PAN3: variants seen among roughly 807,000 people sequenced by gnomAD.
PAN3 encodes PAN2-PAN3 deadenylation complex subunit PAN3.
Under a neutral mutation model 96.2 loss-of-function variants are expected in PAN3, and 19 were observed. The observed-to-expected ratio is 0.20, with a 90% CI of 0.14 to 0.29. The LOEUF is 0.29. Among genes scored for constraint, PAN3 ranks in the 10% least tolerant of loss-of-function variants. The probability of loss-of-function intolerance (pLI) is 1.00; values close to 1 mark genes in which losing one functional copy is unlikely to be tolerated. For missense variants in PAN3, 882 were observed against 1,108.1 expected (o/e 0.80, Z 2.90); for synonymous variants, 433 against 406.6 (o/e 1.06, Z -0.78).
rs1284832933 is a variant in PAN3, at chr13:28,194,466, AT to A, written c.691-2700del. Among the ~76,000 whole-genome samples the A allele has an allele frequency of 9.6e-3, 1,166 of 122,010 alleles. 9 individuals are homozygous for A. Among genetic ancestry groups the A allele is most frequent in the African/African-American group, 0.035 (972 of 27,588 alleles). 80.0% of individuals were successfully genotyped at this position (122,010 alleles called of 152,430 possible). Reference sequence around the variant, plus strand: ...TATATGTATGTATATATATATATATATTTTTTTTTTTTTTTTTTTGTAGAGA... The same window carrying A: ...TATATGTATGTATATATATATATATATTTTTTTTTTTTTTTTTTGTAGAGA... On this transcript the variant is annotated intron_variant, in intron 4 of 18. Transcript: ENST00000380958.
intron 6 of PAN3, among the ~76,000 whole-genome samples, chr13:28,253,485 TA>T (rs1884899737): frequency 6.6e-6 from 1 of 152,220 alleles, no homozygotes; most frequent in Admixed American, 6.5e-5. Flanking sequence ...GGTATTTCAG[TA>T]ATTTAGTTTT....
At position 28,197,317 on chromosome 13, in the gene PAN3, T is replaced by G. The variant is rs1055299963; in HGVS notation, c.823T>G (p.Trp275Gly). 1.7e-5 allele frequency: 28 copies of G among 1,607,830 alleles called. No homozygotes were observed. Among genetic ancestry groups the G allele is most frequent in the Non-Finnish European group, 2.3e-5 (27 of 1,177,280 alleles). ...AGGAGTACCCATCAATATGGTTTGG[T>G]GGAACAGAGTCACAGAAAACAATTT... Reference protein sequence around the residue: ...KSGVPINMVWWNRVTENNLQT... With the variant: ...KSGVPINMVWGNRVTENNLQT... Residue 275 changes from tryptophan to glycine, a missense_variant, in exon 5 of 19, where the codon TGG becomes GGG. Trp to Gly is a radical substitution (Grantham distance 184). Coordinates refer to ENST00000380958, the MANE Select transcript of PAN3 (RefSeq NM_175854.8).
chr13:28,140,284 T>TTAG (rs1355420779), intron 1 of PAN3, among the ~76,000 whole-genome samples: 1 of 152,190 alleles, frequency 6.6e-6, no homozygotes, highest in Non-Finnish European at 1.5e-5. Context: ...GCGTAATCTG[T>TTAG]TAGAGAATGT....
rs551565255 is a variant in PAN3 at position 28,237,496 on chromosome 13, C to T, written c.1000+17118C>T. 3.1e-3 allele frequency among the ~76,000 whole-genome samples: 466 copies of T among 152,254 alleles called. 3 individuals carry two copies. The highest frequency in any genetic ancestry group is 3.8e-3 in the Non-Finnish European group (256 of 68,016). On this transcript the variant is annotated intron_variant, in intron 6 of 18. Coordinates refer to ENST00000380958, the MANE Select transcript of PAN3 (RefSeq NM_175854.8). ...AGAGCTTAGAACATTAGTTTTCATA[C>T]ATTTTTAAAAAATAGCAGCAGTACT...
rs537244786 is a variant in PAN3 at position 28,210,455 on chromosome 13, C to T, written c.853-9776C>T. The stretch of plus-strand genomic sequence containing the variant: ...AATACTAGTAATTAGCTTTCTTCTG[C>T]TGTCTCCACCAATTTTATCTGATTT... On this transcript the variant is annotated intron_variant, in intron 5 of 18. Coordinates refer to ENST00000380958, the MANE Select transcript of PAN3 (RefSeq NM_175854.8). Among the ~76,000 whole-genome samples, 3 of 152,300 alleles carry T rather than the reference C, an allele frequency of 2.0e-5. No individual in the cohort carries two copies. In the Middle Eastern group the frequency reaches 0.01, roughly 518 times the overall value.
At chr13:28,281,068 A>G in intron 16 of PAN3, among the ~76,000 whole-genome samples, 1 of 152,342 alleles carries the variant, frequency 6.6e-6, no homozygotes, top group African/African-American at 2.4e-5. Context: ...TCATGTGACA[A>G]AAATCTTGGT....
chr13:28,144,839 G>GC (rs34283514), intron 1 of PAN3, among the ~76,000 whole-genome samples: 42,226 of 149,306 alleles, frequency 0.28, 8,192 homozygotes, highest in African/African-American at 0.55. Flanking sequence ...TCCTGCCTCA[G>GC]CTCCCAAGTA....
intron 5 of PAN3, among the ~76,000 whole-genome samples, chr13:28,203,429 A>G (rs1464575052): frequency 6.6e-6 from 1 of 152,060 alleles, no homozygotes; most frequent in Non-Finnish European, 1.5e-5. Context: ...TTAGCCTCCC[A>G]AGTAGCTGGG....
chr13:28,287,197 C>T (rs1869098927), intron 17 of PAN3, among the ~76,000 whole-genome samples: 1 of 152,176 alleles, frequency 6.6e-6, no homozygotes, highest in Admixed American at 6.5e-5. Context: ...GGAAAACCTT[C>T]CTTAATTGCT....
At chr13:28,281,291 TTC>T (rs746645666) in intron 16 of PAN3, 22 bp from the exon 17 acceptor site, 17 of 1,591,740 alleles carry the variant, frequency 1.1e-5, no homozygotes, top group Non-Finnish European at 1.5e-5. Flanking sequence ...ATTAACATTT[TTC>T]TCTTTTTAAA....
chr13:28,162,005 T>A (rs576905008), intron 1 of PAN3, among the ~76,000 whole-genome samples: 9 of 152,324 alleles, frequency 5.9e-5, no homozygotes, highest in African/African-American at 1.9e-4. Context: ...CCTAACACAC[T>A]CTATTACAAA....
At chr13:28,258,591 A>G (rs187034761) in intron 7 of PAN3, among the ~76,000 whole-genome samples, 116 of 152,336 alleles carry the variant, frequency 7.6e-4, no homozygotes, top group Non-Finnish European at 9.6e-4. Context: ...TGGCCACAAA[A>G]TGCCTGTGAA....
chr13:28,238,195 G>C (rs183878601), intron 6 of PAN3, among the ~76,000 whole-genome samples: 1 of 152,332 alleles, frequency 6.6e-6, no homozygotes, highest in Non-Finnish European at 1.5e-5. Context: ...CTGGAAGGCT[G>C]CAGCACTTTT....
intron 2 of PAN3, 32 bp downstream of exon 2, chr13:28,174,425 G>T: frequency 6.2e-7 from 1 of 1,604,406 alleles, no homozygotes; most frequent in Non-Finnish European, 8.5e-7. Flanking sequence ...ATTGCACTAT[G>T]AAGTTTATTC....
In PAN3 at chr13:28,167,620, C is replaced by T. The variant is rs142994450; in HGVS notation, c.431-6652C>T. 1.1e-4 allele frequency among the ~76,000 whole-genome samples: 16 copies of T among 143,180 alleles called. No homozygotes were observed. The East Asian group carries it at 3.1e-3, about 28-fold the overall frequency. 93.9% of individuals were successfully genotyped at this position (143,180 alleles called of 152,430 possible). On this transcript the variant is annotated intron_variant, in intron 1 of 18. Transcript: ENST00000380958. ...GGGAGGCTGAAGCAGGTGGATCACT[C>T]GGGCTCCAGAGTTCAAGACCAGGCT... is the stretch of plus-strand genomic sequence containing the variant.
chr13:28,151,382 G>T (rs1201213660), intron 1 of PAN3, among the ~76,000 whole-genome samples: 1 of 152,024 alleles, frequency 6.6e-6, no homozygotes, highest in East Asian at 1.9e-4. Flanking sequence ...GGGCATGGTG[G>T]TGGGCACCTG....
At chr13:28,200,813 T>A (rs562758159) in intron 5 of PAN3, among the ~76,000 whole-genome samples, 1 of 152,346 alleles carries the variant, frequency 6.6e-6, no homozygotes, top group East Asian at 1.9e-4. Flanking sequence ...AATATGTTTG[T>A]AAAGTCCGCA....
chr13:28,260,569 AT>A lies in PAN3; in HGVS notation c.1353+19del. ...TCCGACAGGTATGCTTTCAGAATTC[AT>A]AGTAGGAATACTTAATGTCTCCTGT... On this transcript the variant is annotated intron_variant, in intron 8 of 18. Transcript: ENST00000380958. The A allele has an allele frequency of 6.4e-7, 1 of 1,554,434 alleles. No individual in the cohort carries two copies. Among genetic ancestry groups the A allele is most frequent in the Non-Finnish European group, 8.9e-7 (1 of 1,126,158 alleles).
chr13:28,191,806 G>A (rs890244391), intron 4 of PAN3, among the ~76,000 whole-genome samples: 1 of 151,948 alleles, frequency 6.6e-6, no homozygotes, highest in African/African-American at 2.4e-5. Context: ...TGAGAGATGA[G>A]ACATGTCACT....
Sources: allele counts gnomAD v4.1 joint callset (sites outside exome capture counted in the v4.1 genomes callset), GRCh38; gene constraint gnomAD v4.1.1; transcripts MANE v1.5; gene names NCBI Gene and HGNC (gene_info 2026-07-23, HGNC 2026-07-21).